Variants in PTPRQ observed in about 807,000 individuals in gnomAD.
PTPRQ encodes the protein protein tyrosine phosphatase receptor type Q.
Under a neutral mutation model 246.0 loss-of-function variants are expected in PTPRQ, and 199 were observed. The observed-to-expected ratio is 0.81, with a 90% CI of 0.72 to 0.91. PTPRQ has a LOEUF of 0.91. Among genes scored for constraint, PTPRQ ranks in the 40% least tolerant of loss-of-function variants. The pLI is 0.00. For synonymous variants in PTPRQ, 869 were observed against 853.2 expected, an observed-to-expected ratio of 1.02 and a Z score of -0.32; for missense variants, 2,624 against 2,528.4, an observed-to-expected ratio of 1.04 and a Z score of -0.81.
At chr12:80,607,314 C>T (rs865774310) in intron 27 of PTPRQ, among the ~76,000 whole-genome samples, 15 of 150,934 alleles carry the variant, frequency 9.9e-5, no homozygotes, top group South Asian at 6.2e-4. Context: ...AAATAAAATT[C>T]GCCAACATAA....
intron 35 of PTPRQ, among the ~76,000 whole-genome samples, chr12:80,642,944 AAACAATTG>A (rs1899938069): frequency 6.7e-6 from 1 of 150,228 alleles, no homozygotes; most frequent in South Asian, 2.1e-4. Flanking sequence ...AAAAAAAAAA[AAACAATTG>A]AGTATCTCTC....
intron 8 of PTPRQ, among the ~76,000 whole-genome samples, chr12:80,481,827 A>G (rs942639064): frequency 4.6e-5 from 7 of 152,144 alleles, no homozygotes; most frequent in Admixed American, 6.5e-5. Context: ...AGGGATGTGA[A>G]GGACGTCTTC....
chr12:80,496,741 C>A (rs1384359257), intron 14 of PTPRQ, among the ~76,000 whole-genome samples: 1 of 152,020 alleles, frequency 6.6e-6, no homozygotes, highest in Non-Finnish European at 1.5e-5. Flanking sequence ...AAGGGAACTT[C>A]TAATCAAAAT....
chr12:80,652,888 C>T (rs1452067103), intron 38 of PTPRQ, 54 bp downstream of exon 38: 1 of 1,403,526 alleles, frequency 7.1e-7, no homozygotes, highest in Non-Finnish European at 9.3e-7. Context: ...AAATGCCTAC[C>T]ATCTTAACTT....
intron 25 of PTPRQ, among the ~76,000 whole-genome samples, chr12:80,581,557 C>T (rs1375499567): frequency 6.6e-6 from 1 of 151,922 alleles, no homozygotes; most frequent in Non-Finnish European, 1.5e-5. Context: ...GTCATATGAG[C>T]CTGGGAGGTT....
chr12:80,451,021 G>C (rs960884311), intron 3 of PTPRQ, among the ~76,000 whole-genome samples: 1 of 152,126 alleles, frequency 6.6e-6, no homozygotes, highest in African/African-American at 2.4e-5. Context: ...ACTCTTTTTC[G>C]TTGGCAAGCT....
chr12:80,481,598 G>C (rs1165387424), intron 8 of PTPRQ, among the ~76,000 whole-genome samples: 2 of 152,100 alleles, frequency 1.3e-5, no homozygotes, highest in Non-Finnish European at 2.9e-5. Context: ...CCTGCTTGCA[G>C]ATGACATGAT....
chr12:80,536,593 T>C (rs1895995502), intron 19 of PTPRQ, among the ~76,000 whole-genome samples: 1 of 152,246 alleles, frequency 6.6e-6, no homozygotes, highest in Non-Finnish European at 1.5e-5. Context: ...CATGTAGATA[T>C]AGTTACAGAT....
chr12:80,597,034 T>C (rs181500666), intron 26 of PTPRQ, among the ~76,000 whole-genome samples: 56 of 151,970 alleles, frequency 3.7e-4, no homozygotes, highest in Admixed American at 3.3e-3. Context: ...AGCCTCAGGG[T>C]GGTAGAAAAG....
At chr12:80,647,078 T>C (rs1265593758) in intron 35 of PTPRQ, among the ~76,000 whole-genome samples, 1 of 152,202 alleles carries the variant, frequency 6.6e-6, no homozygotes, top group Non-Finnish European at 1.5e-5. Flanking sequence ...ACATCTACTT[T>C]AGATTCTAGT....
At chr12:80,564,560 T>C (rs1896924459) in intron 25 of PTPRQ, among the ~76,000 whole-genome samples, 2 of 152,222 alleles carry the variant, frequency 1.3e-5, no homozygotes, top group Admixed American at 1.3e-4. Flanking sequence ...TTAAGTGCTG[T>C]GGTAGAAAGT....
intron 8 of PTPRQ, among the ~76,000 whole-genome samples, chr12:80,483,655 T>C (rs533592833): frequency 1.3e-5 from 2 of 152,296 alleles, no homozygotes; most frequent in Non-Finnish European, 2.9e-5. Context: ...TACATAGGTA[T>C]ACATGTGTCA....
At chr12:80,467,769 A>G (rs911669507) in intron 6 of PTPRQ, among the ~76,000 whole-genome samples, 9 of 151,402 alleles carry the variant, frequency 5.9e-5, no homozygotes, top group South Asian at 2.1e-4. Context: ...AAAAAACCAA[A>G]CACCGCATAT....
At chr12:80,450,111 T>C (rs1892702329) in intron 3 of PTPRQ, among the ~76,000 whole-genome samples, 1 of 152,058 alleles carries the variant, frequency 6.6e-6, no homozygotes, top group Non-Finnish European at 1.5e-5. Flanking sequence ...TAAGGTGGAT[T>C]CCTAGGTATT....
At chr12:80,457,476 C>T (rs541638801) in intron 3 of PTPRQ, 99 bp from the exon 4 acceptor site, 1 of 398,608 alleles carries the variant, frequency 2.5e-6, no homozygotes, top group East Asian at 3.6e-5. Context: ...GTATCTTTGG[C>T]ATTTATCTTA....
chr12:80,678,676 T>G lies in PTPRQ; in HGVS notation c.6813T>G (p.Phe2271Leu). The G allele has an allele frequency of 6.4e-7, 1 of 1,550,504 alleles. No individual in the cohort carries two copies. The highest frequency in any genetic ancestry group is 2.4e-5 in the East Asian group (1 of 40,844). ...AGGGAAGTAATCAGCCCATCTGTTT[T>G]GTTAACTATTCAGCACTTCAGAAGA... ...SNKGSNQPIC[F>L]VNYSALQKMD... Residue 2271 changes from phenylalanine (F) to leucine (L), a missense_variant, in exon 44 of 45, where the codon TTT (phenylalanine) becomes TTG (leucine). By Grantham distance (22) the Phe-to-Leu change is conservative. Transcript: ENST00000644991.
At chr12:80,605,313 A>G (rs1898275722) in intron 27 of PTPRQ, 133 bp downstream of exon 27, 1 of 1,144,268 alleles carries the variant, frequency 8.7e-7, no homozygotes. Context: ...TTTGTGTTTC[A>G]ATGTCTACAT....
chr12:80,491,037 C>T (rs956333947), intron 9 of PTPRQ, among the ~76,000 whole-genome samples: 11 of 151,854 alleles, frequency 7.2e-5, no homozygotes, highest in Non-Finnish European at 5.9e-5. Flanking sequence ...GAGGGTTTTT[C>T]TAATGTCAGA....
chr12:80,611,569 C>A (rs1730474024), intron 28 of PTPRQ, among the ~76,000 whole-genome samples: 2 of 150,230 alleles, frequency 1.3e-5, no homozygotes, highest in Non-Finnish European at 3.0e-5. Context: ...TCCCTCCTAC[C>A]TGTGAGGAAA....
Sources: allele counts gnomAD v4.1 joint callset (sites outside exome capture counted in the v4.1 genomes callset), GRCh38; gene constraint gnomAD v4.1.1; transcripts MANE v1.5; gene names NCBI Gene and HGNC (gene_info 2026-07-23, HGNC 2026-07-21).